Variants in SNX25 observed in about 807,000 individuals in gnomAD.
SNX25 encodes the protein sorting nexin 25, also known as sorting nexin-25.
A neutral mutation model predicts 113.7 loss-of-function variants in SNX25; 62 were observed. The observed-to-expected ratio is 0.55, with a 90% CI of 0.44 to 0.67. The LOEUF (loss-of-function observed/expected upper bound fraction) is 0.67, where lower values mean the gene tolerates loss of function less well. Among genes scored for constraint, SNX25 ranks in the 30% least tolerant of loss-of-function variants. The pLI, the probability that SNX25 is intolerant of heterozygous loss-of-function variation, is 0.00. For synonymous variants in SNX25, 421 were observed against 436.2 expected, an observed-to-expected ratio of 0.97 and a Z score of 0.43; for missense variants, 1,014 against 1,161.0, an observed-to-expected ratio of 0.87 and a Z score of 1.84.
chr4:185,281,998 AGAGC>A (rs1241527997), intron 5 of SNX25, among the ~76,000 whole-genome samples: 1 of 152,204 alleles, frequency 6.6e-6, no homozygotes, highest in Non-Finnish European at 1.5e-5. Flanking sequence ...TCTGGGCAAC[AGAGC>A]GAGACTCCAT....
chr4:185,264,634 C>T (rs567235275), intron 4 of SNX25, 24 bp downstream of exon 4: 1 of 1,609,812 alleles, frequency 6.2e-7, no homozygotes, highest in South Asian at 1.1e-5. Context: ...GTTGATTTCA[C>T]TAATTCAATA....
intron 9 of SNX25, among the ~76,000 whole-genome samples, chr4:185,329,560 C>T (rs771283761): frequency 2.1e-4 from 32 of 152,138 alleles, no homozygotes; most frequent in Admixed American, 1.2e-3. Context: ...TCGTGGGTAC[C>T]GCTTGAAAGC....
chr4:185,266,485 C>T (rs531301517), intron 4 of SNX25, among the ~76,000 whole-genome samples: 5 of 152,130 alleles, frequency 3.3e-5, no homozygotes, highest in African/African-American at 4.8e-5. Flanking sequence ...CTCAGTCTCC[C>T]GAGTAGCTAG....
chr4:185,360,786 G>A (rs1006853241), intron 16 of SNX25, among the ~76,000 whole-genome samples: 16 of 152,066 alleles, frequency 1.1e-4, no homozygotes, highest in African/African-American at 3.9e-4. Flanking sequence ...GGGCATGGTG[G>A]CACACGCCTG....
chr4:185,339,741 C>T (rs1458333698), intron 11 of SNX25, among the ~76,000 whole-genome samples: 1 of 152,184 alleles, frequency 6.6e-6, no homozygotes, highest in African/African-American at 2.4e-5. Flanking sequence ...ACAGCAAGTT[C>T]TTCCTGTTCA....
intron 1 of SNX25, among the ~76,000 whole-genome samples, chr4:185,213,214 C>T (rs1298469309): frequency 6.6e-6 from 1 of 152,174 alleles, no homozygotes; most frequent in East Asian, 1.9e-4. Context: ...TGGTGAAGAA[C>T]GTTATGTCCA....
intron 16 of SNX25, among the ~76,000 whole-genome samples, chr4:185,359,040 T>A (rs1009299651): frequency 1.3e-5 from 2 of 152,206 alleles, no homozygotes; most frequent in Non-Finnish European, 2.9e-5. Flanking sequence ...AGTTTACTTC[T>A]ACTTAAGATT....
Position 185,320,807 on chromosome 4 carries a change from C to A in SNX25, c.1419C>A (p.Asp473Glu). Residue 473 changes from aspartate (D) to glutamate (E), a missense_variant, in exon 8 of 19, where the codon GAC becomes GAA. Physicochemically the swap from Asp to Glu is conservative, Grantham distance 45. Transcript: ENST00000652585. ...TTGGAATGTACATGGAAAGGATGGA[C>A]AAAAGAGCTCTGATTAGTTTTTGGG... Reference protein sequence around the residue: ...EHFGMYMERMDKRALISFWES... With the variant: ...EHFGMYMERMEKRALISFWES... 8 of 1,605,288 alleles carry A rather than the reference C, an allele frequency of 5.0e-6. No individual in the cohort carries two copies. Among genetic ancestry groups the A allele is most frequent in the Non-Finnish European group, 6.8e-6 (8 of 1,176,066 alleles).
At chr4:185,220,425 C>T (rs555213497) in intron 1 of SNX25, among the ~76,000 whole-genome samples, 1 of 151,332 alleles carries the variant, frequency 6.6e-6, no homozygotes, top group East Asian at 1.9e-4. Context: ...AATGCTTGTT[C>T]CTCTTGTTTC....
At chr4:185,280,815 G>A (rs1194184456) in intron 5 of SNX25, among the ~76,000 whole-genome samples, 1 of 152,106 alleles carries the variant, frequency 6.6e-6, no homozygotes, top group East Asian at 1.9e-4. Flanking sequence ...CTTTTGCCTG[G>A]GTGATCTAAG....
the SNX25 span, among the ~76,000 whole-genome samples, chr4:185,375,890 A>G: frequency 6.6e-6 from 1 of 152,140 alleles, no homozygotes. Context: ...GCTCTCAGCC[A>G]TGGTGCTCTG....
intron 10 of SNX25, among the ~76,000 whole-genome samples, chr4:185,335,361 A>G (rs1367831537): frequency 1.3e-5 from 2 of 150,780 alleles, no homozygotes; most frequent in East Asian, 2.0e-4. Context: ...CACACACAAC[A>G]AAAACAAAAA....
intron 14 of SNX25, among the ~76,000 whole-genome samples, chr4:185,352,375 A>G (rs1335940253): frequency 6.6e-6 from 1 of 152,260 alleles, no homozygotes; most frequent in East Asian, 1.9e-4. Context: ...GATGGTGAAA[A>G]GCAGCATGCT....
chr4:185,331,592 C>A (rs1420973955), intron 9 of SNX25, among the ~76,000 whole-genome samples: 1 of 152,054 alleles, frequency 6.6e-6, no homozygotes, highest in Non-Finnish European at 1.5e-5. Context: ...ACCAGCCTGG[C>A]CAACATGGTG....
chr4:185,239,279 C>G (rs13102672), intron 1 of SNX25, among the ~76,000 whole-genome samples: 10,876 of 151,508 alleles, frequency 0.072, 494 homozygotes, highest in South Asian at 0.13. Flanking sequence ...GTCAGGAGAT[C>G]GAGACCATCC....
chr4:185,330,955 G>A (rs1033970356), intron 9 of SNX25, among the ~76,000 whole-genome samples: 20 of 152,138 alleles, frequency 1.3e-4, no homozygotes, highest in African/African-American at 3.6e-4. Flanking sequence ...AGCAAATGCC[G>A]TAAAAGAGGT....
chr4:185,329,514 C>T lies in SNX25; in HGVS notation c.1750-3081C>T, dbSNP rs1431154293. ...CAAGATTTCTTCTAGCTTAGTCCTA[C>T]TGGTCCTCTGAGGATCAGGACAGCA... On this transcript the variant is annotated intron_variant, in intron 9 of 18. Coordinates refer to ENST00000652585, the MANE Select transcript of SNX25 (RefSeq NM_001378034.2). 2.0e-5 allele frequency among the ~76,000 whole-genome samples: 3 copies of T among 152,224 alleles called. No homozygotes were observed. The East Asian group carries it at 5.8e-4, about 29-fold the overall frequency.
intron 6 of SNX25, among the ~76,000 whole-genome samples, chr4:185,300,850 C>CACACACACAG (rs746522318): frequency 6.7e-6 from 1 of 148,276 alleles, no homozygotes; most frequent in Non-Finnish European, 1.5e-5. Context: ...GACACACACA[C>CACACACACAG]ACACACACAC....
At chr4:185,282,220 G>A (rs192898834) in intron 5 of SNX25, among the ~76,000 whole-genome samples, 1 of 152,202 alleles carries the variant, frequency 6.6e-6, no homozygotes, top group African/African-American at 2.4e-5. Context: ...GGAGTGCAAC[G>A]GCGGAATCTC....
Sources: gnomAD v4.1 joint callset for allele counts (sites outside exome capture counted in the v4.1 genomes callset) on GRCh38, gnomAD v4.1.1 for gene constraint, MANE v1.5 for transcripts, NCBI Gene and HGNC (gene_info 2026-07-23, HGNC 2026-07-21) for gene names.